Variants in CPNE5 observed in about 807,000 individuals in gnomAD.
The protein encoded by CPNE5 is copine-5.
A neutral mutation model predicts 81.1 loss-of-function variants in CPNE5; 42 were observed. The observed-to-expected ratio is 0.52, with a 90% CI of 0.40 to 0.67. The LOEUF (loss-of-function observed/expected upper bound fraction) is 0.67, where lower values mean the gene tolerates loss of function less well. CPNE5 is among the 30% of genes least tolerant of loss of function. The pLI, the probability that CPNE5 is intolerant of heterozygous loss-of-function variation, is 0.00. For synonymous variants in CPNE5, 313 were observed against 321.5 expected, an observed-to-expected ratio of 0.97 and a Z score of 0.28; for missense variants, 612 against 815.5, an observed-to-expected ratio of 0.75 and a Z score of 3.04.
At chr6:36,833,509 T>C (rs9394387) in intron 1 of CPNE5, among the ~76,000 whole-genome samples, 29,351 of 152,210 alleles carry the variant, frequency 0.19, 3,629 homozygotes, top group East Asian at 0.32. Context: ...CATAAGACTC[T>C]GTCATAGCAG....
Position 36,778,845 on chromosome 6 carries a change from A to G in CPNE5, c.632+9T>C. The G allele has an allele frequency of 6.4e-7, 1 of 1,574,624 alleles. No homozygotes were observed. The highest frequency in any genetic ancestry group is 8.7e-7 in the Non-Finnish European group (1 of 1,145,276). Reference sequence around the variant, plus strand: ...AGGTGCAGTGCACAAGTGTCCCCAGAAAACTCACGTTCCATCCTCGTTGCT... The same window carrying G: ...AGGTGCAGTGCACAAGTGTCCCCAGGAAACTCACGTTCCATCCTCGTTGCT... On this transcript the variant is annotated intron_variant, in intron 9 of 20. Coordinates refer to ENST00000244751, the MANE Select transcript of CPNE5 (RefSeq NM_020939.2).
chr6:36,800,650 G>A (rs1770026848), intron 3 of CPNE5, among the ~76,000 whole-genome samples: 3 of 152,312 alleles, frequency 2.0e-5, no homozygotes, highest in Admixed American at 6.5e-5. Flanking sequence ...CCTCTCGAAC[G>A]TGGGCTGGAC....
At chr6:36,778,251 C>A (rs1298385043) in intron 9 of CPNE5, among the ~76,000 whole-genome samples, 1 of 152,136 alleles carries the variant, frequency 6.6e-6, no homozygotes, top group African/African-American at 2.4e-5. Flanking sequence ...CCTACATTTG[C>A]CAACATGTTG....
intron 8 of CPNE5, among the ~76,000 whole-genome samples, chr6:36,779,991 T>G (rs1767890133): frequency 1.4e-5 from 2 of 148,010 alleles, no homozygotes; most frequent in African/African-American, 2.5e-5. Context: ...TTTGAGACGG[T>G]GTCTCACTCT....
At chr6:36,790,819 A>G (rs1345835007) in intron 8 of CPNE5, among the ~76,000 whole-genome samples, 4 of 152,202 alleles carry the variant, frequency 2.6e-5, no homozygotes, top group African/African-American at 9.6e-5. Flanking sequence ...CTGGGATTAC[A>G]GGCGTGAGCC....
At chr6:36,807,538 T>C (rs928406973) in intron 3 of CPNE5, among the ~76,000 whole-genome samples, 1 of 152,192 alleles carries the variant, frequency 6.6e-6, no homozygotes, top group Non-Finnish European at 1.5e-5. Flanking sequence ...TGTGTTCATC[T>C]CCCAAGCCTT....
intron 8 of CPNE5, among the ~76,000 whole-genome samples, chr6:36,785,890 A>T (rs533540575): frequency 6.6e-6 from 1 of 151,688 alleles, no homozygotes; most frequent in Non-Finnish European, 1.5e-5. Flanking sequence ...ATGCATGCCT[A>T]TAATCCCAGA....
chr6:36,824,762 C>G (rs946743050), intron 1 of CPNE5, among the ~76,000 whole-genome samples: 4 of 152,160 alleles, frequency 2.6e-5, no homozygotes, highest in African/African-American at 9.7e-5. Context: ...GCCTGGCCAA[C>G]ATGGTGAAAC....
chr6:36,779,106 C>T (rs938984183), intron 8 of CPNE5, 149 bp from the exon 9 acceptor site: 3 of 563,904 alleles, frequency 5.3e-6, no homozygotes. Flanking sequence ...TCAGACGGCC[C>T]CCCAGCAGGC....
intron 1 of CPNE5, among the ~76,000 whole-genome samples, chr6:36,830,414 A>G (rs983345161): frequency 6.6e-6 from 1 of 152,188 alleles, no homozygotes; most frequent in Non-Finnish European, 1.5e-5. Context: ...CGAGGAAAGC[A>G]GGGCGGGAGC....
chr6:36,810,351 A>C (rs925508413), intron 3 of CPNE5, among the ~76,000 whole-genome samples: 1 of 152,128 alleles, frequency 6.6e-6, no homozygotes, highest in Non-Finnish European at 1.5e-5. Flanking sequence ...ATCCCTCAAT[A>C]CTTTTCATAT....
intron 7 of CPNE5, 115 bp downstream of exon 7, chr6:36,794,475 T>C (rs1769387137): frequency 3.1e-6 from 3 of 981,818 alleles, no homozygotes; most frequent in Non-Finnish European, 4.7e-6. Flanking sequence ...TGTCCCCGGA[T>C]CAGGGCCAAA....
chr6:36,792,132 A>G (rs1769152231), intron 7 of CPNE5, 36 bp from the exon 8 acceptor site: 1 of 1,595,262 alleles, frequency 6.3e-7, no homozygotes, highest in Non-Finnish European at 8.6e-7. Context: ...GGAAAGCCAG[A>G]CAAAGACAGA....
chr6:36,794,034 A>ATGG (rs1490492611), intron 7 of CPNE5, among the ~76,000 whole-genome samples: 1 of 152,116 alleles, frequency 6.6e-6, no homozygotes, highest in Non-Finnish European at 1.5e-5. Flanking sequence ...CCGAAGCCAG[A>ATGG]TGGTCAGGGT....
At chr6:36,787,894 C>T (rs980214563) in intron 8 of CPNE5, among the ~76,000 whole-genome samples, 3 of 152,088 alleles carry the variant, frequency 2.0e-5, no homozygotes, top group East Asian at 3.8e-4. Flanking sequence ...TAAAGACGTA[C>T]TATCCTGAGC....
rs777475159 is a variant in CPNE5 at position 36,794,680 on chromosome 6, C to G, written c.405-31G>C. On this transcript the variant is annotated intron_variant, in intron 6 of 20. Transcript: ENST00000244751. Reference sequence around the variant, plus strand: ...GAGAGAGAGGGGGAGAGAGAGCATGCCATGAGCTGAGTACCCCCACCCAGA... The same window carrying G: ...GAGAGAGAGGGGGAGAGAGAGCATGGCATGAGCTGAGTACCCCCACCCAGA... 6.8e-6 allele frequency: 11 copies of G among 1,607,028 alleles called. No individual in the cohort carries two copies. The South Asian group carries it at 1.1e-4, about 16-fold the overall frequency.
chr6:36,802,865 C>G (rs1163039328), intron 3 of CPNE5, among the ~76,000 whole-genome samples: 1 of 152,082 alleles, frequency 6.6e-6, no homozygotes, highest in African/African-American at 2.4e-5. Flanking sequence ...CCCTGGCCAA[C>G]ATGGTGAAAC....
chr6:36,817,329 A>C (rs1346034691), intron 3 of CPNE5, among the ~76,000 whole-genome samples: 1 of 152,178 alleles, frequency 6.6e-6, no homozygotes, highest in African/African-American at 2.4e-5. Context: ...CTACGCAAAA[A>C]TAAATGAATA....
chr6:36,744,489 G>C, intron 18 of CPNE5, 164 bp from the exon 19 acceptor site: 44 of 615,650 alleles, frequency 7.1e-5, no homozygotes, highest in Non-Finnish European at 8.5e-5. Context: ...GAGAGGGAGG[G>C]CACTCAGAGA....
Sources: allele counts gnomAD v4.1 joint callset (sites outside exome capture counted in the v4.1 genomes callset), GRCh38; gene constraint gnomAD v4.1.1; transcripts MANE v1.5; gene names NCBI Gene and HGNC (gene_info 2026-07-23, HGNC 2026-07-21).